Variants in THSD7A observed in about 807,000 individuals in gnomAD.
THSD7A encodes thrombospondin type-1 domain-containing protein 7A.
Under a neutral mutation model 231.3 loss-of-function variants are expected in THSD7A, and 96 were observed. The observed-to-expected ratio is 0.41, with a 90% CI of 0.35 to 0.49. The LOEUF (loss-of-function observed/expected upper bound fraction) is 0.49. Ranked by LOEUF, THSD7A falls within the 20% of genes least tolerant of loss-of-function variation. The pLI is 0.05. For synonymous variants in THSD7A, 940 were observed against 743.3 expected (o/e 1.26, Z -4.30); for missense variants, 2,290 against 2,070.2 (o/e 1.11, Z -2.06).
intron 1 of THSD7A, among the ~76,000 whole-genome samples, chr7:11,693,124 C>A (rs1780285317): frequency 6.6e-6 from 1 of 151,442 alleles, no homozygotes; most frequent in Non-Finnish European, 1.5e-5. Context: ...TGTCCCTAAA[C>A]TTTTCAGGAA....
In THSD7A at chr7:11,462,146, G is replaced by A. The variant is rs1490558678; in HGVS notation, c.2369-3C>T. The A allele has an allele frequency of 3.7e-6, 6 of 1,613,490 alleles. No individual in the cohort carries two copies. Among genetic ancestry groups the A allele is most frequent in the Non-Finnish European group, 5.1e-6 (6 of 1,179,636 alleles). ...CTGCTTCCTGATACTGGAGTCCCCT[G>A]CAATGAAGCAGTTTTTTAACCTCTG... On this transcript the variant is annotated splice_region_variant and splice_polypyrimidine_tract_variant and intron_variant, in intron 9 of 27. Coordinates refer to ENST00000423059, the MANE Select transcript of THSD7A (RefSeq NM_015204.3).
At chr7:11,733,623 A>G (rs78766296) in intron 1 of THSD7A, among the ~76,000 whole-genome samples, 1 of 151,752 alleles carries the variant, frequency 6.6e-6, no homozygotes, top group Non-Finnish European at 1.5e-5. Context: ...TCTACACAGA[A>G]GGCAGGAAGT....
At position 11,417,621 on chromosome 7, in the gene THSD7A, CAT is replaced by C; in HGVS notation, c.3384-20_3384-19del. On this transcript the variant is annotated intron_variant, in intron 16 of 27. Coordinates refer to ENST00000423059, the MANE Select transcript of THSD7A (RefSeq NM_015204.3). ...GCATGCATCTAGAAAAGAACATAAA[CAT>C]ATTCTAGAAAATATACATACATTCT... 4 of 1,591,814 alleles carry C rather than the reference CAT, an allele frequency of 2.5e-6. No individual in the cohort carries two copies. The South Asian group carries it at 4.6e-5, about 18-fold the overall frequency.
At chr7:11,608,927 T>C (rs1780828254) in intron 2 of THSD7A, among the ~76,000 whole-genome samples, 1 of 152,196 alleles carries the variant, frequency 6.6e-6, no homozygotes, top group Non-Finnish European at 1.5e-5. Context: ...GTATGTAATT[T>C]GCAACAAGTT....
chr7:11,551,011 G>A (rs1789606362), intron 4 of THSD7A, among the ~76,000 whole-genome samples: 1 of 151,960 alleles, frequency 6.6e-6, no homozygotes, highest in Non-Finnish European at 1.5e-5. Context: ...ATAAATCAAT[G>A]GAACAGATTA....
chr7:11,596,619 A>G (rs1780368581), intron 2 of THSD7A, among the ~76,000 whole-genome samples: 1 of 152,170 alleles, frequency 6.6e-6, no homozygotes, highest in African/African-American at 2.4e-5. Flanking sequence ...GCATAGCTGG[A>G]GGGATTGAGG....
chr7:11,532,775 G>T (rs1788759196), intron 6 of THSD7A, among the ~76,000 whole-genome samples: 1 of 152,148 alleles, frequency 6.6e-6, no homozygotes, highest in African/African-American at 2.4e-5. Context: ...GCTATTGGAA[G>T]AGAAATAGAG....
chr7:11,739,828 A>T lies in THSD7A; in HGVS notation c.190+91929T>A, dbSNP rs983690303. Among the ~76,000 whole-genome samples, 3 of 151,934 alleles carry T rather than the reference A, an allele frequency of 2.0e-5. No homozygotes were observed. In the East Asian group the frequency reaches 5.9e-4, roughly 30 times the overall value. On this transcript the variant is annotated intron_variant, in intron 1 of 27. Coordinates refer to ENST00000423059, the MANE Select transcript of THSD7A (RefSeq NM_015204.3). ...GAAAGCAGAGGTAGGACCAAAGCTT[A>T]TGTGCTTCTCTTGTATCAGAAGTGC...
chr7:11,545,601 G>A (rs10242123), intron 4 of THSD7A, among the ~76,000 whole-genome samples: 17,326 of 151,922 alleles, frequency 0.11, 1,962 homozygotes, highest in African/African-American at 0.29. Context: ...GGGCTACTGA[G>A]CATCAAGATC....
chr7:11,779,011 AC>A (rs1252385720), intron 1 of THSD7A, among the ~76,000 whole-genome samples: 4 of 152,136 alleles, frequency 2.6e-5, no homozygotes, highest in African/African-American at 9.6e-5. Context: ...GGTATCATTA[AC>A]TTTTTCACCT....
chr7:11,626,229 G>T (rs539657230), intron 2 of THSD7A, among the ~76,000 whole-genome samples: 1 of 151,812 alleles, frequency 6.6e-6, no homozygotes, highest in African/African-American at 2.4e-5. Context: ...TTCCTAAGAC[G>T]GTAGGTCTTA....
chr7:11,714,881 G>A lies in THSD7A; in HGVS notation c.191-77920C>T, dbSNP rs1445879620. 5.3e-5 allele frequency among the ~76,000 whole-genome samples: 8 copies of A among 151,306 alleles called. No homozygotes were observed. In the Admixed American group the frequency reaches 5.3e-4, roughly 10 times the overall value. ...CAATAGATTGTTCAGTGTGGCCATT[G>A]GAAAAGGCATGTCAAGGTTAGCTGA... is the stretch of plus-strand genomic sequence containing the variant. On this transcript the variant is annotated intron_variant, in intron 1 of 27. Coordinates refer to ENST00000423059, the MANE Select transcript of THSD7A (RefSeq NM_015204.3).
At chr7:11,603,172 A>G (rs1232927061) in intron 2 of THSD7A, among the ~76,000 whole-genome samples, 1 of 151,926 alleles carries the variant, frequency 6.6e-6, no homozygotes, top group Non-Finnish European at 1.5e-5. Flanking sequence ...AACTCAAACA[A>G]ATTTACAAGA....
chr7:11,464,861 C>T (rs1446379537), intron 9 of THSD7A, among the ~76,000 whole-genome samples: 1 of 152,100 alleles, frequency 6.6e-6, no homozygotes, highest in Non-Finnish European at 1.5e-5. Context: ...TCTCATATTG[C>T]AGTTAAGAAA....
chr7:11,436,152 G>A (rs1302179733), intron 13 of THSD7A, among the ~76,000 whole-genome samples: 1 of 151,948 alleles, frequency 6.6e-6, no homozygotes, highest in Non-Finnish European at 1.5e-5. Context: ...CAGATGCAGA[G>A]TTTAAAAACC....
At chr7:11,420,628 C>T (rs184239375) in intron 16 of THSD7A, among the ~76,000 whole-genome samples, 4 of 152,302 alleles carry the variant, frequency 2.6e-5, no homozygotes, top group Admixed American at 2.6e-4. Flanking sequence ...ACACAGAGTC[C>T]CCACTGGGGC....
chr7:11,732,625 T>C lies in THSD7A; in HGVS notation c.191-95664A>G, dbSNP rs1345918365. Among the ~76,000 whole-genome samples, 5 of 151,790 alleles carry C rather than the reference T, an allele frequency of 3.3e-5. No homozygotes were observed. In the East Asian group the frequency reaches 9.7e-4, roughly 30 times the overall value. On this transcript the variant is annotated intron_variant, in intron 1 of 27. Coordinates refer to ENST00000423059, the MANE Select transcript of THSD7A (RefSeq NM_015204.3). ...ACAGTGAAGAGTTTTCAATTATTTA[T>C]AAAACCACCACTTCCACCACCACCA... is the stretch of plus-strand genomic sequence containing the variant.
chr7:11,542,874 C>T (rs1252208573), intron 5 of THSD7A, 88 bp downstream of exon 5: 1 of 1,395,504 alleles, frequency 7.2e-7, no homozygotes, highest in Non-Finnish European at 9.6e-7. Context: ...ATACCACAAA[C>T]AAGGAACACA....
intron 6 of THSD7A, among the ~76,000 whole-genome samples, chr7:11,495,634 A>G (rs1787066750): frequency 6.6e-6 from 1 of 152,148 alleles, no homozygotes; most frequent in African/African-American, 2.4e-5. Flanking sequence ...TTACAAAATC[A>G]AAACCACTAT....
Sources: gnomAD v4.1 joint callset for allele counts (sites outside exome capture counted in the v4.1 genomes callset) on GRCh38, gnomAD v4.1.1 for gene constraint, MANE v1.5 for transcripts, NCBI Gene and HGNC (gene_info 2026-07-23, HGNC 2026-07-21) for gene names.